SLC12A7: variants seen among roughly 807,000 people sequenced by gnomAD.
The protein encoded by SLC12A7 is K-Cl cotransporter 4.
In SLC12A7, 100 loss-of-function variants were observed where a neutral mutation model predicts 120.6. That is an observed-to-expected ratio of 0.83 (90% CI 0.71 to 0.98). SLC12A7 has a LOEUF of 0.98. Ranked by LOEUF, SLC12A7 falls within the 50% of genes least tolerant of loss-of-function variation. The pLI is 0.00. For missense variants in SLC12A7, 1,373 were observed against 1,548.1 expected (o/e 0.89, Z 1.90); for synonymous variants, 760 against 678.0 (o/e 1.12, Z -1.88).
intron 17 of SLC12A7, among the ~76,000 whole-genome samples, chr5:1,068,302 G>T (rs1737272084): frequency 6.6e-6 from 1 of 152,192 alleles, no homozygotes; most frequent in Admixed American, 6.5e-5. Context: ...GGGCGTGGTG[G>T]TGGGCACCTG....
chr5:1,154,365 ACAC>A, the SLC12A7 span, among the ~76,000 whole-genome samples: 1 of 151,554 alleles, frequency 6.6e-6, no homozygotes, highest in African/African-American at 2.4e-5. Flanking sequence ...ACACACACAC[ACAC>A]ACACACACAC....
At chr5:1,060,164 T>C (rs1322265051) in intron 21 of SLC12A7, among the ~76,000 whole-genome samples, 180 bp downstream of exon 21, 2 of 152,226 alleles carry the variant, frequency 1.3e-5, no homozygotes, top group Non-Finnish European at 2.9e-5. Flanking sequence ...ACGCCACTCC[T>C]GTGCTCCTGC....
chr5:1,081,627 A>AT lies in SLC12A7; in HGVS notation c.1246dup (p.Ile416AsnfsTer63). On this transcript the variant is annotated frameshift_variant, in exon 9 of 24. Transcript: ENST00000264930. LOFTEE classifies it high-confidence loss of function. ...AACCAGCAGGGTGAAGGAGGCCGCG[A>AT]TGTCGGTGAGCACGTAGGGCAGTGC... is the stretch of plus-strand genomic sequence containing the variant. 1.9e-6 allele frequency: 3 copies of AT among 1,611,494 alleles called. No homozygotes were observed. The highest frequency in any genetic ancestry group is 2.5e-6 in the Non-Finnish European group (3 of 1,178,494).
the SLC12A7 span, among the ~76,000 whole-genome samples, chr5:1,121,176 A>G: frequency 6.6e-6 from 1 of 152,150 alleles, no homozygotes; most frequent in South Asian, 2.1e-4. Context: ...TGTTTCTGTC[A>G]CATTCTCTGT....
At chr5:1,073,566 C>A in intron 17 of SLC12A7, 67 bp downstream of exon 17, 1 of 1,513,178 alleles carries the variant, frequency 6.6e-7, no homozygotes, top group Non-Finnish European at 8.9e-7. Flanking sequence ...TGAGGACATG[C>A]CAGGGCACGT....
intron 22 of SLC12A7, 78 bp downstream of exon 22, chr5:1,057,393 G>A: frequency 2.1e-6 from 3 of 1,452,774 alleles, no homozygotes; most frequent in Non-Finnish European, 2.8e-6. Context: ...TCAGTGGTCA[G>A]GGAAGGGACT....
intron 1 of SLC12A7, among the ~76,000 whole-genome samples, chr5:1,097,389 A>G (rs59946080): frequency 0.092 from 14,052 of 152,238 alleles, 993 homozygotes; most frequent in African/African-American, 0.19. Flanking sequence ...AGGCCCCAAG[A>G]ACACCCCGAA....
upstream of SLC12A7, among the ~76,000 whole-genome samples, chr5:1,115,867 G>GGGGGGAAGGGAGGA (rs1743298575): frequency 3.0e-5 from 4 of 134,602 alleles, no homozygotes; most frequent in African/African-American, 7.1e-5. Context: ...AAAGGAAAGA[G>GGGGGGAAGGGAGGA]GTGGGAAGGG....
the SLC12A7 span, among the ~76,000 whole-genome samples, chr5:1,123,365 T>C: frequency 6.6e-6 from 1 of 152,124 alleles, no homozygotes; most frequent in Non-Finnish European, 1.5e-5. Context: ...CCTGGGCCCT[T>C]GAACCCTTGG....
chr5:1,135,602 G>A, the SLC12A7 span, among the ~76,000 whole-genome samples: 2 of 152,190 alleles, frequency 1.3e-5, no homozygotes, highest in African/African-American at 2.4e-5. Context: ...AGTCTAGGGC[G>A]GTGCTTACCC....
chr5:1,131,612 C>T, the SLC12A7 span, among the ~76,000 whole-genome samples: 1 of 152,232 alleles, frequency 6.6e-6, no homozygotes, highest in Non-Finnish European at 1.5e-5. Context: ...CTCCGGGTCC[C>T]TAACCAGGCG....
At chr5:1,140,862 G>A in the SLC12A7 span, among the ~76,000 whole-genome samples, 10,879 of 152,256 alleles carry the variant, frequency 0.071, 595 homozygotes, top group African/African-American at 0.15. Context: ...AGGTGACCAC[G>A]CCATGGGAGA....
chr5:1,125,161 T>C, the SLC12A7 span, among the ~76,000 whole-genome samples: 1 of 152,048 alleles, frequency 6.6e-6, no homozygotes, highest in East Asian at 1.9e-4. Context: ...AGAGCAGCTG[T>C]GGAAAGATAA....
chr5:1,060,500 G>T, intron 20 of SLC12A7, 49 bp from the exon 21 acceptor site: 1 of 1,419,554 alleles, frequency 7.0e-7, no homozygotes, highest in Non-Finnish European at 1.0e-6. Flanking sequence ...CAGAACCACG[G>T]ATGGCTCCAA....
chr5:1,144,590 G>A, the SLC12A7 span, among the ~76,000 whole-genome samples: 1 of 152,192 alleles, frequency 6.6e-6, no homozygotes, highest in African/African-American at 2.4e-5. Flanking sequence ...GGTGAGGCAG[G>A]CAGCCTGGTG....
At chr5:1,058,471 G>A (rs1304308152) in intron 21 of SLC12A7, among the ~76,000 whole-genome samples, 1 of 152,238 alleles carries the variant, frequency 6.6e-6, no homozygotes, top group Non-Finnish European at 1.5e-5. Context: ...ACTGTGGCTG[G>A]AGCCCCGCCT....
chr5:1,073,911 A>ACAGGG, intron 16 of SLC12A7, 110 bp from the exon 17 acceptor site: 1 of 1,099,192 alleles, frequency 9.1e-7, no homozygotes, highest in Non-Finnish European at 1.2e-6. Context: ...GTGGGACGGG[A>ACAGGG]GATACATGAC....
At chr5:1,099,991 G>A (rs1186001633) in intron 1 of SLC12A7, among the ~76,000 whole-genome samples, 2 of 152,184 alleles carry the variant, frequency 1.3e-5, no homozygotes, top group Non-Finnish European at 2.9e-5. Context: ...CGACTCATAA[G>A]GCTTTAAAAG....
rs72707234 is a variant in SLC12A7, at chr5:1,096,978, C to T, written c.125-2730G>A. ...GGTTCTCCCTCCCACGCAGCCAACC[C>T]CACAGACAACCTTGGACAAAGTCAC... On this transcript the variant is annotated intron_variant, in intron 1 of 23. Coordinates refer to ENST00000264930, the MANE Select transcript of SLC12A7 (RefSeq NM_006598.3). Among the ~76,000 whole-genome samples, 982 of 152,098 alleles carry T rather than the reference C, an allele frequency of 6.5e-3. 14 individuals are homozygous for T. The highest frequency in any genetic ancestry group is 6.1e-3 in the Non-Finnish European group (416 of 67,964).
Sources: allele counts gnomAD v4.1 joint callset (sites outside exome capture counted in the v4.1 genomes callset), GRCh38; gene constraint gnomAD v4.1.1; transcripts MANE v1.5; gene names NCBI Gene and HGNC (gene_info 2026-07-23, HGNC 2026-07-21).